The following MAP3K7CL variants were observed in gnomAD, a reference collection of about 807,000 sequenced individuals.
MAP3K7CL encodes the protein MAP3K7 C-terminal-like protein.
MAP3K7CL carries 16 observed loss-of-function variants against 18.6 expected under a neutral mutation model. The ratio of observed to expected loss-of-function variants is 0.86; its 90% CI spans 0.58 to 1.31. The LOEUF is 1.31. Ranked by LOEUF, MAP3K7CL falls within the 50% of genes most tolerant of loss-of-function variation. The probability of loss-of-function intolerance (pLI) is 0.00; values close to 1 mark genes in which losing one functional copy is unlikely to be tolerated. For synonymous variants in MAP3K7CL, 65 were observed against 66.8 expected (o/e 0.97, Z 0.13); for missense variants, 163 against 174.4 (o/e 0.93, Z 0.37).
chr21:29,126,899 CA>C (rs1178838392), upstream of MAP3K7CL, among the ~76,000 whole-genome samples: 4 of 152,174 alleles, frequency 2.6e-5, no homozygotes, highest in Non-Finnish European at 5.9e-5. Context: ...CATAGCAATA[CA>C]GAGCTGACTT....
intron 3 of MAP3K7CL, among the ~76,000 whole-genome samples, chr21:29,150,482 T>A (rs1233622472): frequency 6.6e-6 from 1 of 152,168 alleles, no homozygotes; most frequent in Non-Finnish European, 1.5e-5. Flanking sequence ...AGAAAGCTGC[T>A]CAACAGAGCA....
chr21:29,158,619 G>A (rs1404413600), intron 3 of MAP3K7CL, among the ~76,000 whole-genome samples: 1 of 151,992 alleles, frequency 6.6e-6, no homozygotes, highest in Non-Finnish European at 1.5e-5. Context: ...ATCATGGGAG[G>A]GATCACAGAA....
In MAP3K7CL at chr21:29,167,098, G is replaced by T. The variant is rs574786692; in HGVS notation, c.248+7042G>T. Among the ~76,000 whole-genome samples the T allele has an allele frequency of 1.1e-4, 17 of 152,246 alleles. No homozygotes were observed. The East Asian group carries it at 3.1e-3, about 28-fold the overall frequency. On this transcript the variant is annotated intron_variant, in intron 4 of 4. Transcript: ENST00000399928. Reference sequence around the variant, plus strand: ...TTTTAGATTCTAGCCATCTGTAGTGGGTGTGAAACAATATGTCATTGTGGT... The same window carrying T: ...TTTTAGATTCTAGCCATCTGTAGTGTGTGTGAAACAATATGTCATTGTGGT...
intron 4 of MAP3K7CL, among the ~76,000 whole-genome samples, chr21:29,172,947 T>C (rs2087879135): frequency 6.6e-6 from 1 of 151,838 alleles, no homozygotes; most frequent in Non-Finnish European, 1.5e-5. Context: ...CTTTTCATAT[T>C]ATGTAGTGTC....
chr21:29,142,198 GGGA>G (rs1175859174), intron 2 of MAP3K7CL, among the ~76,000 whole-genome samples: 6 of 152,156 alleles, frequency 3.9e-5, no homozygotes, highest in Middle Eastern at 3.4e-3. Context: ...CCAAGTAGCT[GGGA>G]CGTCAGGTGT....
chr21:29,147,519 C>G (rs2087160515), intron 2 of MAP3K7CL, among the ~76,000 whole-genome samples: 1 of 151,468 alleles, frequency 6.6e-6, no homozygotes, highest in South Asian at 2.1e-4. Flanking sequence ...TGCATCTGTA[C>G]TGTATCTCTA....
chr21:29,110,422 G>A (rs2086399649), intron 4 of MAP3K7CL, among the ~76,000 whole-genome samples: 3 of 151,358 alleles, frequency 2.0e-5, no homozygotes, highest in Non-Finnish European at 4.4e-5. Context: ...TTTGAGGCAG[G>A]GTCTCTATCT....
intron 1 of MAP3K7CL, among the ~76,000 whole-genome samples, chr21:29,079,257 G>T (rs945755453): frequency 2.0e-5 from 3 of 152,196 alleles, no homozygotes; most frequent in Admixed American, 6.5e-5. Context: ...CGTGTTCCAG[G>T]TGGATCACAA....
chr21:29,084,791 G>C (rs189061680), upstream of MAP3K7CL, among the ~76,000 whole-genome samples: 8 of 152,286 alleles, frequency 5.3e-5, no homozygotes, highest in East Asian at 1.2e-3. Flanking sequence ...CCTTCCAAAA[G>C]ATCTTTTCAT....
chr21:29,146,053 T>G (rs1192386434), intron 2 of MAP3K7CL, among the ~76,000 whole-genome samples: 1 of 152,032 alleles, frequency 6.6e-6, no homozygotes, highest in African/African-American at 2.4e-5. Context: ...GTAAAGTAAA[T>G]GGATAACTTT....
At chr21:29,086,007 G>C in intron 1 of MAP3K7CL, 1 of 1,429,542 alleles carries the variant, frequency 7.0e-7, no homozygotes, top group Non-Finnish European at 9.9e-7. Flanking sequence ...ATGTAGGAAA[G>C]AAGCAGAGAG....
At chr21:29,155,955 A>G (rs1290416436) in intron 3 of MAP3K7CL, among the ~76,000 whole-genome samples, 1 of 152,232 alleles carries the variant, frequency 6.6e-6, no homozygotes, top group African/African-American at 2.4e-5. Context: ...GCATCTGAAA[A>G]GCTGCTGCTG....
intron 4 of MAP3K7CL, among the ~76,000 whole-genome samples, chr21:29,120,437 CAGTT>C (rs778046935): frequency 8.5e-5 from 13 of 152,264 alleles, no homozygotes; most frequent in South Asian, 6.2e-4. Flanking sequence ...TTGTAAGTCT[CAGTT>C]AGTTCCTCTA....
At chr21:29,088,658 A>C (rs187912006) in intron 1 of MAP3K7CL, among the ~76,000 whole-genome samples, 1 of 152,362 alleles carries the variant, frequency 6.6e-6, no homozygotes, top group East Asian at 1.9e-4. Flanking sequence ...TTATCATTAC[A>C]GTCAGTCTTA....
At chr21:29,100,532 T>C (rs979623529) in intron 4 of MAP3K7CL, among the ~76,000 whole-genome samples, 1 of 152,150 alleles carries the variant, frequency 6.6e-6, no homozygotes, top group Admixed American at 6.5e-5. Context: ...TTTGGGAAAG[T>C]CATGTAAATA....
chr21:29,167,308 A>G (rs960068512), intron 4 of MAP3K7CL, among the ~76,000 whole-genome samples: 21 of 152,200 alleles, frequency 1.4e-4, no homozygotes, highest in African/African-American at 4.8e-4. Flanking sequence ...AAAACATCAG[A>G]AAGGGGTTTT....
In MAP3K7CL at chr21:29,174,935, C is replaced by T. The variant is rs751664737; in HGVS notation, c.*43C>T. ...TGAGCATACGAGGCTGATGACTGCCCTGTGCTGGCCAAAAGATTTTTATTT... is the reference window on the plus strand; with the variant it reads ...TGAGCATACGAGGCTGATGACTGCCTTGTGCTGGCCAAAAGATTTTTATTT... On this transcript the variant is annotated 3_prime_UTR_variant, in exon 5 of 5. Coordinates refer to ENST00000399928, the MANE Select transcript of MAP3K7CL (RefSeq NM_001286620.2). 2.6e-6 allele frequency: 4 copies of T among 1,559,260 alleles called. No homozygotes were observed. Among genetic ancestry groups the T allele is most frequent in the Non-Finnish European group, 2.6e-6 (3 of 1,148,418 alleles).
At chr21:29,092,187 A>T (rs1488632176) in intron 3 of MAP3K7CL, 2 of 453,262 alleles carry the variant, frequency 4.4e-6, no homozygotes, top group East Asian at 6.8e-5. Flanking sequence ...TATAAGAAAA[A>T]TCTGAGGCAG....
At chr21:29,108,810 TA>T (rs371977070) in intron 4 of MAP3K7CL, among the ~76,000 whole-genome samples, 1 of 152,324 alleles carries the variant, frequency 6.6e-6, no homozygotes, top group Non-Finnish European at 1.5e-5. Context: ...TTGGTGGTGT[TA>T]TTCATCTCCC....
Sources: allele counts gnomAD v4.1 joint callset (sites outside exome capture counted in the v4.1 genomes callset), GRCh38; gene constraint gnomAD v4.1.1; transcripts MANE v1.5; gene names NCBI Gene and HGNC (gene_info 2026-07-23, HGNC 2026-07-21).